FGF18: variants seen among roughly 807,000 people sequenced by gnomAD.
The protein encoded by FGF18 is fibroblast growth factor 18.
A neutral mutation model predicts 23.0 loss-of-function variants in FGF18; 5 were observed. That is an observed-to-expected ratio of 0.22 (90% CI 0.11 to 0.46). The LOEUF (loss-of-function observed/expected upper bound fraction) is 0.46, where lower values mean the gene tolerates loss of function less well. Ranked by LOEUF, FGF18 falls within the 20% of genes least tolerant of loss-of-function variation. The probability of loss-of-function intolerance (pLI) is 0.99; values close to 1 mark genes in which losing one functional copy is unlikely to be tolerated. For synonymous variants in FGF18, 117 were observed against 118.9 expected (o/e 0.98, Z 0.10); for missense variants, 180 against 291.6 (o/e 0.62, Z 2.79).
In FGF18 at chr5:171,420,017, TGCCGCAGGGCGC is replaced by T. The variant is rs959564321; in HGVS notation, c.-177_-166del. 4.1e-5 allele frequency: 11 copies of T among 269,518 alleles called. No homozygotes were observed. Among genetic ancestry groups the T allele is most frequent in the Non-Finnish European group, 7.2e-5 (11 of 153,270 alleles). 16.7% of individuals were successfully genotyped at this position (269,518 alleles called of 1,614,324 possible). A position where few individuals can be genotyped will look rare whatever the true frequency, so the allele number is the denominator to read the frequency against. On this transcript the variant is annotated 5_prime_UTR_variant, in exon 1 of 5. Transcript: ENST00000274625. ...CGGGAGGAGCCGCGCGGGGCGCTGA[TGCCGCAGGGCGC>T]GCCGCGGAGCGCCCCGGAGCAGCAG...
chr5:171,447,766 C>T (rs1201484252), intron 3 of FGF18, among the ~76,000 whole-genome samples: 2 of 152,070 alleles, frequency 1.3e-5, no homozygotes, highest in African/African-American at 4.8e-5. Flanking sequence ...GAGGTATACT[C>T]TTTGTGGCTC....
chr5:171,443,501 A>ATTTTT (rs59576538), intron 3 of FGF18, among the ~76,000 whole-genome samples: 8,923 of 63,350 alleles, frequency 0.14, 1,935 homozygotes, highest in Non-Finnish European at 0.19. Context: ...TGTTATCATC[A>ATTTTT]TTTTTTTTTT....
chr5:171,428,952 A>G (rs997520221), intron 2 of FGF18, among the ~76,000 whole-genome samples: 1 of 152,230 alleles, frequency 6.6e-6, no homozygotes, highest in African/African-American at 2.4e-5. Flanking sequence ...CCCATCCTGC[A>G]GTGCCCCCCT....
At chr5:171,443,853 G>A (rs978315615) in intron 3 of FGF18, among the ~76,000 whole-genome samples, 1 of 152,164 alleles carries the variant, frequency 6.6e-6, no homozygotes, top group African/African-American at 2.4e-5. Flanking sequence ...CCAGCCCTGG[G>A]TGGCCTCTGG....
chr5:171,428,167 C>T (rs1772125390), intron 2 of FGF18, among the ~76,000 whole-genome samples: 1 of 152,324 alleles, frequency 6.6e-6, no homozygotes, highest in Non-Finnish European at 1.5e-5. Flanking sequence ...AAAGGGAGGT[C>T]TGACCCCTGC....
intron 2 of FGF18, among the ~76,000 whole-genome samples, chr5:171,431,052 A>G (rs1772175771): frequency 6.6e-6 from 1 of 152,100 alleles, no homozygotes; most frequent in Non-Finnish European, 1.5e-5. Flanking sequence ...GGAAGGTGGA[A>G]ATGGGGGCCA....
chr5:171,448,135 A>G (rs1202651014), intron 3 of FGF18, among the ~76,000 whole-genome samples: 1 of 152,190 alleles, frequency 6.6e-6, no homozygotes, highest in Non-Finnish European at 1.5e-5. Context: ...TGCCTGCTTG[A>G]TGTCCTTGTT....
intron 4 of FGF18, among the ~76,000 whole-genome samples, chr5:171,454,043 C>T (rs1328824779): frequency 2.6e-5 from 4 of 152,096 alleles, no homozygotes; most frequent in African/African-American, 9.7e-5. Context: ...GGCACTTGGG[C>T]TAATGCGGAG....
rs376004950 is a variant in FGF18 at position 171,456,660 on chromosome 5, G to A, written c.479G>A (p.Arg160Gln). ...GGCTTCACCAAGAAGGGGCGGCCGC[G>A]GAAGGGCCCCAAGACCCGGGAGAAC... The part of the protein sequence containing the change: ...YVGFTKKGRP[R>Q]KGPKTRENQQ... Residue 160 changes from arginine to glutamine, a missense_variant, in exon 5 of 5, where the codon CGG (arginine) becomes CAG (glutamine). Physicochemically the swap from Arg to Gln is conservative, Grantham distance 43. Around this residue, in one of 3 missense-constraint regions of FGF18, gnomAD observed 83 missense variants for 190.4 expected, o/e 0.44. Transcript: ENST00000274625. This position sits in a 1 kb window ranked among gnomAD's most constrained non-coding sequence, Gnocchi z 6.1. 9.3e-6 allele frequency: 15 copies of A among 1,613,792 alleles called. No individual in the cohort carries two copies. Among genetic ancestry groups the A allele is most frequent in the Non-Finnish European group, 1.2e-5 (14 of 1,179,998 alleles).
Position 171,436,077 on chromosome 5 carries a change from C to A in FGF18, c.70-16C>A. On this transcript the variant is annotated splice_polypyrimidine_tract_variant and intron_variant, in intron 2 of 4. Coordinates refer to ENST00000274625, the MANE Select transcript of FGF18 (RefSeq NM_003862.3). The surrounding 1 kb of genome is among the most constrained non-coding windows in gnomAD (Gnocchi z 4.4). Reference sequence around the variant, plus strand: ...GGACATCTGGGGTGGCTTACTGTGTCCTTTTCCCTGCCCAGGTGCTGGTTG... The same window carrying A: ...GGACATCTGGGGTGGCTTACTGTGTACTTTTCCCTGCCCAGGTGCTGGTTG... 1.3e-6 allele frequency: 2 copies of A among 1,523,208 alleles called. No homozygotes were observed. The highest frequency in any genetic ancestry group is 2.0e-5 in the Admixed American group (1 of 49,628). 94.4% of individuals were successfully genotyped at this position (1,523,208 alleles called of 1,614,324 possible).
At chr5:171,426,568 C>A (rs372802233) in intron 2 of FGF18, among the ~76,000 whole-genome samples, 1 of 152,208 alleles carries the variant, frequency 6.6e-6, no homozygotes, top group African/African-American at 2.4e-5. Context: ...TTTGCTCTGA[C>A]GTCTCAGTGG....
intron 2 of FGF18, among the ~76,000 whole-genome samples, chr5:171,422,783 G>A (rs188300490): frequency 1.2e-3 from 176 of 152,316 alleles, no homozygotes; most frequent in African/African-American, 4.1e-3. Flanking sequence ...GGCCAGGGAG[G>A]CCTCTCTACA....
chr5:171,438,109 T>C (rs1454925225), intron 3 of FGF18, among the ~76,000 whole-genome samples: 2 of 150,466 alleles, frequency 1.3e-5, no homozygotes, highest in African/African-American at 2.4e-5. Context: ...CTTTTTTTTT[T>C]TTTTTTTGAG....
intron 4 of FGF18, among the ~76,000 whole-genome samples, chr5:171,450,537 G>C (rs1250754010): frequency 2.6e-5 from 4 of 152,204 alleles, no homozygotes; most frequent in African/African-American, 9.7e-5. Context: ...ACTACAGCTC[G>C]GCGGGATTCA....
In FGF18 at chr5:171,420,032, C is replaced by T; in HGVS notation, c.-168C>T. 2.8e-6 allele frequency: 1 copy of T among 362,080 alleles called. No individual in the cohort carries two copies. Among genetic ancestry groups the T allele is most frequent in the Non-Finnish European group, 4.4e-6 (1 of 224,996 alleles). 22.4% of individuals were successfully genotyped at this position (362,080 alleles called of 1,614,324 possible). A position where few individuals can be genotyped will look rare whatever the true frequency, so the allele number is the denominator to read the frequency against. On this transcript the variant is annotated 5_prime_UTR_variant, in exon 1 of 5. Coordinates refer to ENST00000274625, the MANE Select transcript of FGF18 (RefSeq NM_003862.3). ...GGGGCGCTGATGCCGCAGGGCGCGC[C>T]GCGGAGCGCCCCGGAGCAGCAGAGT... is the stretch of plus-strand genomic sequence containing the variant.
At chr5:171,450,446 GGCTGCCACC>G (rs1411281222) in intron 4 of FGF18, among the ~76,000 whole-genome samples, 1 of 152,162 alleles carries the variant, frequency 6.6e-6, no homozygotes, top group Non-Finnish European at 1.5e-5. Flanking sequence ...AATCCCAGGA[GGCTGCCACC>G]GCTACCATCC....
chr5:171,429,406 C>T (rs1339017811), intron 2 of FGF18, among the ~76,000 whole-genome samples: 5 of 152,344 alleles, frequency 3.3e-5, no homozygotes, highest in South Asian at 2.1e-4. Flanking sequence ...TGGGAGCCAA[C>T]GTGAGCTTCA....
rs1369308266 is a variant in FGF18, at chr5:171,449,208, G to A, written c.312G>A (p.Thr104=). ...AAGTCCGGATCAAGGGCAAGGAGAC[G>A]GAATTCTACCTGTGCATGAACCGCA... is the stretch of plus-strand genomic sequence containing the variant. ...GSQVRIKGKE[T]EFYLCMNRKG... The change falls in exon 4 of 5, where the codon ACG becomes ACA. Residue 104 remains threonine (T), a synonymous_variant. Transcript: ENST00000274625. 1.3e-5 allele frequency: 21 copies of A among 1,613,982 alleles called. No homozygotes were observed. Among genetic ancestry groups the A allele is most frequent in the Non-Finnish European group, 1.7e-5 (20 of 1,180,008 alleles).
In FGF18 at chr5:171,451,073, C is replaced by T. The variant is rs901272924; in HGVS notation, c.357+1820C>T. ...GCCGCCCCCCCACCCCGCCGCCGGC[C>T]GCCTCCCGCCCGCGGGCGAGCCGCT... On this transcript the variant is annotated intron_variant, in intron 4 of 4. Coordinates refer to ENST00000274625, the MANE Select transcript of FGF18 (RefSeq NM_003862.3). The surrounding 1 kb of genome is among the most constrained non-coding windows in gnomAD (Gnocchi z 4.5). Among the ~76,000 whole-genome samples, 8 of 151,346 alleles carry T rather than the reference C, an allele frequency of 5.3e-5. No individual in the cohort carries two copies. The East Asian group carries it at 1.2e-3, about 22-fold the overall frequency.
Sources: gnomAD v4.1 joint callset for allele counts (sites outside exome capture counted in the v4.1 genomes callset) on GRCh38, gnomAD v4.1.1 for gene constraint, gnomAD v4.1.1 regional missense constraint, Gnocchi (gnomAD v3.1) non-coding constraint, MANE v1.5 for transcripts, NCBI Gene and HGNC (gene_info 2026-07-23, HGNC 2026-07-21) for gene names.